Variants in SMCHD1 observed in about 807,000 individuals in gnomAD.
SMCHD1 encodes the protein structural maintenance of chromosomes flexible hinge domain containing 1.
In SMCHD1, 78 loss-of-function variants were observed where a neutral mutation model predicts 254.7. The ratio of observed to expected loss-of-function variants is 0.31; its 90% confidence interval spans 0.26 to 0.37. The LOEUF (loss-of-function observed/expected upper bound fraction) is 0.37. Among genes scored for constraint, SMCHD1 ranks in the 10% least tolerant of loss-of-function variants. The pLI, the probability that SMCHD1 is intolerant of heterozygous loss-of-function variation, is 1.00. For missense variants in SMCHD1, 1,840 were observed against 2,408.1 expected (o/e 0.76, Z 4.94); for synonymous variants, 766 against 794.9 (o/e 0.96, Z 0.61).
chr18:2,725,676 T>C (rs188555201), intron 21 of SMCHD1, among the ~76,000 whole-genome samples: 2 of 152,046 alleles, frequency 1.3e-5, no homozygotes, highest in Admixed American at 1.3e-4. Flanking sequence ...AGAGCATGTG[T>C]ATTTTTTTCA....
chr18:2,708,966 C>T (rs2074601244), intron 17 of SMCHD1, among the ~76,000 whole-genome samples: 1 of 134,274 alleles, frequency 7.4e-6, no homozygotes, highest in Non-Finnish European at 1.6e-5. Context: ...GTTGTGCAAC[C>T]ATTACCACTA....
At chr18:2,660,182 G>C (rs1437570787) in intron 1 of SMCHD1, among the ~76,000 whole-genome samples, 1 of 152,034 alleles carries the variant, frequency 6.6e-6, no homozygotes, top group East Asian at 1.9e-4. Context: ...ATATTAGCTG[G>C]ATCTGGTGGC....
rs1408284396 is a variant in SMCHD1, at chr18:2,772,278, G to C, written c.5081G>C (p.Arg1694Thr). Residue 1694 changes from arginine to threonine, a missense_variant, in exon 41 of 48, where the codon AGA (arginine) becomes ACA (threonine). Physicochemically the swap from Arg to Thr is moderately conservative, Grantham distance 71. Coordinates refer to ENST00000320876, the MANE Select transcript of SMCHD1 (RefSeq NM_015295.3). The part of the protein sequence containing the change: ...QVPHIEALLK[R>T]KLSEQEELKK... The stretch of plus-strand genomic sequence containing the variant: ...CCACACATTGAAGCACTTCTGAAAA[G>C]AAAGCTATCAGAACAAGAAGAACTG... 3.3e-5 allele frequency: 53 copies of C among 1,603,560 alleles called. No homozygotes were observed. Among genetic ancestry groups the C allele is most frequent in the Non-Finnish European group, 4.4e-5 (52 of 1,176,366 alleles).
At chr18:2,736,169 A>G (rs1216620917) in intron 25 of SMCHD1, among the ~76,000 whole-genome samples, 1 of 152,222 alleles carries the variant, frequency 6.6e-6, no homozygotes, top group East Asian at 1.9e-4. Context: ...AGGACTCCCT[A>G]TTCAATAAAT....
Position 2,728,744 on chromosome 18 carries a change from T to A in SMCHD1, c.2913+148T>A, listed in dbSNP as rs1319470106. ...TTTGTGGGATCTTATTGCCAATAGT[T>A]TTTTTTTTTTAATCGTACCTAAACC... On this transcript the variant is annotated intron_variant, in intron 23 of 47. Coordinates refer to ENST00000320876, the MANE Select transcript of SMCHD1 (RefSeq NM_015295.3). The A allele has an allele frequency of 1.4e-5, 3 of 221,588 alleles. No individual in the cohort carries two copies. In the African/African-American group the frequency reaches 4.5e-4, roughly 34 times the overall value. The allele number at this position is 221,588 out of a possible 1,614,324, so 13.7% of individuals were successfully genotyped here.
intron 19 of SMCHD1, among the ~76,000 whole-genome samples, chr18:2,722,017 A>G (rs188414409): frequency 6.6e-5 from 10 of 152,340 alleles, no homozygotes; most frequent in East Asian, 1.9e-4. Context: ...AGAACAGCCA[A>G]TTTATAGGAG....
At position 2,732,471 on chromosome 18, in the gene SMCHD1, A is replaced by G. The variant is rs1344283839; in HGVS notation, c.3255A>G (p.Ser1085=). The G allele has an allele frequency of 1.2e-6, 2 of 1,601,406 alleles. No homozygotes were observed. The highest frequency in any genetic ancestry group is 4.5e-5 in the East Asian group (2 of 44,686). Reference sequence around the variant, plus strand: ...GAGAAAGAGAAATCAATATAACATCAGCTTTAGCAGAAAAAATTAAAGTAA... The same window carrying G: ...GAGAAAGAGAAATCAATATAACATCGGCTTTAGCAGAAAAAATTAAAGTAA... The part of the protein sequence containing the change: ...DEGEREINIT[S]ALAEKIKVNW... Residue 1085 remains serine, a synonymous_variant, in exon 25 of 48, where the codon TCA becomes TCG. Coordinates refer to ENST00000320876, the MANE Select transcript of SMCHD1 (RefSeq NM_015295.3).
At chr18:2,796,823 T>C in intron 47 of SMCHD1, 1 of 279,464 alleles carries the variant, frequency 3.6e-6, no homozygotes. Context: ...CCTCAAGCAG[T>C]CTGCCTGTCT....
chr18:2,746,652 T>C (rs926653110), intron 29 of SMCHD1, among the ~76,000 whole-genome samples: 6 of 152,162 alleles, frequency 3.9e-5, no homozygotes, highest in African/African-American at 9.7e-5. Context: ...CCTTTCCCCA[T>C]AATCTGGTAA....
At chr18:2,715,275 C>G (rs922052132) in intron 17 of SMCHD1, among the ~76,000 whole-genome samples, 2 of 152,068 alleles carry the variant, frequency 1.3e-5, no homozygotes, top group African/African-American at 4.8e-5. Context: ...ACCCATACTT[C>G]GAGAAGGCTT....
At chr18:2,694,455 T>G (rs1692518566) in intron 7 of SMCHD1, 72 bp from the exon 8 acceptor site, 2 of 1,254,258 alleles carry the variant, frequency 1.6e-6, no homozygotes, top group Non-Finnish European at 2.2e-6. Flanking sequence ...ACATTAAAAT[T>G]TGATGCAATA....
intron 1 of SMCHD1, among the ~76,000 whole-genome samples, chr18:2,665,626 C>A (rs1308759481): frequency 2.0e-5 from 3 of 152,094 alleles, no homozygotes; most frequent in Admixed American, 2.0e-4. Context: ...GCCAGTTTCC[C>A]TCTAATTTAT....
chr18:2,678,255 C>CTTTT (rs61681896), intron 5 of SMCHD1, among the ~76,000 whole-genome samples: 1 of 119,402 alleles, frequency 8.4e-6, no homozygotes, highest in African/African-American at 3.1e-5. Flanking sequence ...TTCTTTCTTT[C>CTTTT]TCTCTCTCTC....
intron 7 of SMCHD1, among the ~76,000 whole-genome samples, chr18:2,689,413 G>A (rs1171966905): frequency 6.6e-6 from 1 of 151,604 alleles, no homozygotes; most frequent in Non-Finnish European, 1.5e-5. Context: ...TAGAGACAGT[G>A]TTTCACCATG....
chr18:2,763,125 G>A (rs574767894), intron 36 of SMCHD1, among the ~76,000 whole-genome samples: 9 of 152,260 alleles, frequency 5.9e-5, no homozygotes, highest in South Asian at 4.2e-4. Flanking sequence ...TAGATGATGG[G>A]TTATTCTTCC....
At position 2,784,465 on chromosome 18, in the gene SMCHD1, C is replaced by T. The variant is rs746470716; in HGVS notation, c.5563C>T (p.His1855Tyr). 2 of 1,609,286 alleles carry T rather than the reference C, an allele frequency of 1.2e-6. No homozygotes were observed. Among genetic ancestry groups the T allele is most frequent in the Non-Finnish European group, 1.7e-6 (2 of 1,177,976 alleles). The change falls in exon 45 of 48, where the codon CAC becomes TAC. Residue 1855 changes from histidine to tyrosine, a missense_variant. His to Tyr is a moderately conservative substitution (Grantham distance 83, BLOSUM62 2). This residue lies in a region of SMCHD1 where 114 missense variants were observed against 217.6 expected (regional missense o/e 0.52). Coordinates refer to ENST00000320876, the MANE Select transcript of SMCHD1 (RefSeq NM_015295.3). ...HYRKEVVKIT[H>Y]CPTLLTRDGD... ...TTTACAATAGGTTGTTAAAATTACA[C>T]ACTGTCCTACACTGCTGACCAGAGA...
At position 2,777,193 on chromosome 18, in the gene SMCHD1, G is replaced by T. The variant is rs556818239; in HGVS notation, c.5367-613G>T. ...GGAAAGTATGGATTTGACATTTAGG[G>T]CTAACGTTTGTTCTAGAAACGAGTT... is the stretch of plus-strand genomic sequence containing the variant. On this transcript the variant is annotated intron_variant, in intron 42 of 47. Coordinates refer to ENST00000320876, the MANE Select transcript of SMCHD1 (RefSeq NM_015295.3). 7.9e-5 allele frequency among the ~76,000 whole-genome samples: 12 copies of T among 152,232 alleles called. No homozygotes were observed. The South Asian group carries it at 2.5e-3, about 32-fold the overall frequency.
At chr18:2,772,111 G>GTTT in intron 40 of SMCHD1, 139 bp from the exon 41 acceptor site, 1 of 559,496 alleles carries the variant, frequency 1.8e-6, no homozygotes, top group Non-Finnish European at 2.6e-6. Context: ...TTTTCTGATA[G>GTTT]TTTTTTTTTT....
chr18:2,719,918 G>A (rs549881499), intron 19 of SMCHD1, among the ~76,000 whole-genome samples: 4 of 152,182 alleles, frequency 2.6e-5, no homozygotes, highest in East Asian at 1.9e-4. Flanking sequence ...CAGGTCATCC[G>A]CCAGCCTCGG....
Sources: gnomAD v4.1 joint callset for allele counts (sites outside exome capture counted in the v4.1 genomes callset) on GRCh38, gnomAD v4.1.1 for gene constraint, gnomAD v4.1.1 regional missense constraint, MANE v1.5 for transcripts, NCBI Gene and HGNC (gene_info 2026-07-23, HGNC 2026-07-21) for gene names.